LHFPL3: variants seen among roughly 807,000 people sequenced by gnomAD.
LHFPL3 encodes the protein LHFPL tetraspan subfamily member 3 protein.
In LHFPL3, 5 loss-of-function variants were observed where a neutral mutation model predicts 19.3. The observed-to-expected ratio is 0.26, with a 90% CI of 0.14 to 0.54. The LOEUF (loss-of-function observed/expected upper bound fraction) is 0.54, where lower values mean the gene tolerates loss of function less well. LHFPL3 is among the 20% of genes least tolerant of loss of function. The pLI, the probability that LHFPL3 is intolerant of heterozygous loss-of-function variation, is 0.94. For synonymous variants in LHFPL3, 133 were observed against 126.2 expected (o/e 1.05, Z -0.36); for missense variants, 249 against 307.4 (o/e 0.81, Z 1.42).
intron 1 of LHFPL3, among the ~76,000 whole-genome samples, chr7:104,617,213 T>C (rs770823121): frequency 6.6e-6 from 1 of 152,078 alleles, no homozygotes; most frequent in Non-Finnish European, 1.5e-5. Context: ...TTAAATAAAA[T>C]ATAAATGATT....
intron 2 of LHFPL3, chr7:104,799,781 T>G (rs1790204965): frequency 6.5e-6 from 1 of 153,208 alleles, no homozygotes; most frequent in Non-Finnish European, 1.5e-5. Flanking sequence ...TCCCACACAC[T>G]GTGCCCTGAA....
intron 1 of LHFPL3, among the ~76,000 whole-genome samples, chr7:104,547,637 C>T (rs555245393): frequency 1.3e-5 from 2 of 152,302 alleles, no homozygotes; most frequent in African/African-American, 4.8e-5. Flanking sequence ...GGTTCTCCAG[C>T]TGTCCAGAGA....
intron 1 of LHFPL3, among the ~76,000 whole-genome samples, chr7:104,708,214 A>T (rs538017616): frequency 1.3e-5 from 2 of 152,350 alleles, no homozygotes; most frequent in African/African-American, 4.8e-5. Context: ...ATTCTAAGAT[A>T]TGACACTGAA....
chr7:104,572,874 A>G (rs1227474977), intron 1 of LHFPL3, among the ~76,000 whole-genome samples: 1 of 152,220 alleles, frequency 6.6e-6, no homozygotes, highest in Non-Finnish European at 1.5e-5. Context: ...GTTGATGCTA[A>G]TATGTCTTAA....
At chr7:104,623,478 A>T (rs1464979256) in intron 1 of LHFPL3, among the ~76,000 whole-genome samples, 1 of 122,866 alleles carries the variant, frequency 8.1e-6, no homozygotes, top group African/African-American at 3.0e-5. Context: ...AAAAATACAA[A>T]AACTAGCCGG....
At chr7:104,504,973 G>A (rs974320044) in intron 1 of LHFPL3, among the ~76,000 whole-genome samples, 2 of 151,764 alleles carry the variant, frequency 1.3e-5, no homozygotes, top group Non-Finnish European at 2.9e-5. Context: ...CACACTGCTT[G>A]TGTATACATA....
At chr7:104,570,066 AT>A (rs1034203878) in intron 1 of LHFPL3, among the ~76,000 whole-genome samples, 6 of 152,174 alleles carry the variant, frequency 3.9e-5, no homozygotes, top group African/African-American at 1.4e-4. Flanking sequence ...CTGCTCTTAC[AT>A]TTTTTTAAGT....
At chr7:104,437,420 A>G (rs1792131247) in intron 1 of LHFPL3, among the ~76,000 whole-genome samples, 1 of 152,192 alleles carries the variant, frequency 6.6e-6, no homozygotes, top group South Asian at 2.1e-4. Flanking sequence ...CTGATGAACA[A>G]CAACGGGGTG....
At chr7:104,544,912 A>G (rs752185714) in intron 1 of LHFPL3, among the ~76,000 whole-genome samples, 1 of 152,174 alleles carries the variant, frequency 6.6e-6, no homozygotes, top group Non-Finnish European at 1.5e-5. Flanking sequence ...TGGCTTAATT[A>G]AGAACAATGT....
At chr7:104,605,844 A>C (rs1192084820) in intron 1 of LHFPL3, among the ~76,000 whole-genome samples, 1 of 146,852 alleles carries the variant, frequency 6.8e-6, no homozygotes, top group African/African-American at 2.5e-5. Flanking sequence ...TCCTTTTTGA[A>C]TTTGGTCAAA....
chr7:104,856,731 C>A (rs987572888), intron 2 of LHFPL3, among the ~76,000 whole-genome samples: 3 of 152,122 alleles, frequency 2.0e-5, no homozygotes, highest in African/African-American at 7.2e-5. Context: ...TTTTTAATTG[C>A]CAGAAATTGA....
At chr7:104,667,741 C>T in intron 1 of LHFPL3, 1 of 1,566,030 alleles carries the variant, frequency 6.4e-7, no homozygotes, top group African/African-American at 1.4e-5. Flanking sequence ...AGCTTTCCCT[C>T]TGCCAACATG....
chr7:104,611,815 C>G (rs1177224092), intron 1 of LHFPL3, among the ~76,000 whole-genome samples: 2 of 152,074 alleles, frequency 1.3e-5, no homozygotes, highest in Non-Finnish European at 2.9e-5. Context: ...AACTAAATCT[C>G]AATTTAGTTC....
chr7:104,713,436 C>T (rs1243120817), intron 1 of LHFPL3, among the ~76,000 whole-genome samples: 3 of 151,982 alleles, frequency 2.0e-5, no homozygotes, highest in Admixed American at 6.6e-5. Context: ...GAAGGCAAAG[C>T]GGAAAAAGGC....
intron 1 of LHFPL3, among the ~76,000 whole-genome samples, chr7:104,342,901 A>G (rs1355430002): frequency 6.6e-6 from 1 of 152,134 alleles, no homozygotes; most frequent in Non-Finnish European, 1.5e-5. Context: ...GGCCACACAT[A>G]GTGTGCAGAG....
chr7:104,724,116 G>A (rs1487107658), intron 1 of LHFPL3, among the ~76,000 whole-genome samples: 1 of 151,580 alleles, frequency 6.6e-6, no homozygotes, highest in Non-Finnish European at 1.5e-5. Flanking sequence ...AGGATTAGGA[G>A]CAGCTGTTAG....
At chr7:104,339,345 A>G (rs1477555871) in intron 1 of LHFPL3, among the ~76,000 whole-genome samples, 1 of 152,238 alleles carries the variant, frequency 6.6e-6, no homozygotes, top group Non-Finnish European at 1.5e-5. Flanking sequence ...CAATCCTACA[A>G]GGTTCGTATT....
chr7:104,796,494 T>C (rs774019984), intron 2 of LHFPL3: 1 of 152,062 alleles, frequency 6.6e-6, no homozygotes, highest in Non-Finnish European at 1.5e-5. Context: ...GAAATGCATG[T>C]GATAGTGGGA....
intron 1 of LHFPL3, among the ~76,000 whole-genome samples, chr7:104,600,951 G>A (rs1400796314): frequency 5.3e-5 from 8 of 152,204 alleles, no homozygotes; most frequent in Admixed American, 5.2e-4. Flanking sequence ...ACTGCAGTCT[G>A]TGAGCTGGGC....
Sources: gnomAD v4.1 joint callset for allele counts (sites outside exome capture counted in the v4.1 genomes callset) on GRCh38, gnomAD v4.1.1 for gene constraint, MANE v1.5 for transcripts, NCBI Gene and HGNC (gene_info 2026-07-23, HGNC 2026-07-21) for gene names.